The following PRICKLE2 variants were observed in gnomAD, a reference collection of about 807,000 sequenced individuals.
PRICKLE2 encodes prickle planar cell polarity protein 2, also known as prickle-like protein 2.
In PRICKLE2, 21 loss-of-function variants were observed where a neutral mutation model predicts 81.4. The ratio of observed to expected loss-of-function variants is 0.26; its 90% confidence interval spans 0.18 to 0.37. PRICKLE2 has a LOEUF of 0.37. PRICKLE2 is among the 10% of genes least tolerant of loss of function. The pLI, the probability that PRICKLE2 is intolerant of heterozygous loss-of-function variation, is 1.00. For synonymous variants in PRICKLE2, 456 were observed against 421.5 expected (o/e 1.08, Z -1.00); for missense variants, 940 against 1,109.0 (o/e 0.85, Z 2.16).
intron 1 of PRICKLE2, among the ~76,000 whole-genome samples, chr3:64,214,958 C>T (rs1575675901): frequency 6.6e-6 from 1 of 152,208 alleles, no homozygotes; most frequent in East Asian, 1.9e-4. Context: ...TACTATCCTA[C>T]TCCAACTCAC....
chr3:64,246,341 G>A (rs1268071706), intron 2 of PRICKLE2, among the ~76,000 whole-genome samples: 2 of 152,172 alleles, frequency 1.3e-5, no homozygotes, highest in Non-Finnish European at 1.5e-5. Context: ...GGATCTTGAC[G>A]ATGCTATTAA....
chr3:64,112,853 A>G (rs1000092807), intron 7 of PRICKLE2, among the ~76,000 whole-genome samples: 1 of 152,256 alleles, frequency 6.6e-6, no homozygotes, highest in African/African-American at 2.4e-5. Context: ...GGGAGAAGGC[A>G]AGATGGCTGA....
chr3:64,252,285 G>T (rs950386130), intron 2 of PRICKLE2, among the ~76,000 whole-genome samples: 1 of 152,102 alleles, frequency 6.6e-6, no homozygotes, highest in East Asian at 1.9e-4. Flanking sequence ...ACCCCCATAA[G>T]GGCTCCTATA....
chr3:64,262,821 G>T (rs1324545156), intron 2 of PRICKLE2, among the ~76,000 whole-genome samples: 1 of 152,164 alleles, frequency 6.6e-6, no homozygotes, highest in Non-Finnish European at 1.5e-5. Flanking sequence ...ACTCCATAGG[G>T]TAGGTGTCCC....
chr3:64,154,720 A>G (rs1006070236), intron 5 of PRICKLE2: 7 of 152,230 alleles, frequency 4.6e-5, no homozygotes, highest in Admixed American at 4.6e-4. Context: ...ATCAAAATTA[A>G]AAACTTTATG....
intron 2 of PRICKLE2, among the ~76,000 whole-genome samples, chr3:64,251,261 C>A (rs1413175701): frequency 1.3e-5 from 2 of 152,178 alleles, no homozygotes; most frequent in African/African-American, 4.8e-5. Flanking sequence ...ATCCCCGCTC[C>A]AGGTAGTCCC....
intron 2 of PRICKLE2, among the ~76,000 whole-genome samples, chr3:64,261,373 C>G (rs1351374949): frequency 6.6e-6 from 1 of 151,916 alleles, no homozygotes; most frequent in African/African-American, 2.4e-5. Context: ...GGGAGCCCTC[C>G]TAGAAGGAAG....
intron 7 of PRICKLE2, among the ~76,000 whole-genome samples, chr3:64,133,705 G>C (rs2106990536): frequency 6.6e-6 from 1 of 152,206 alleles, no homozygotes; most frequent in South Asian, 2.1e-4. Context: ...GGCATAATTA[G>C]GCCACAGATT....
At chr3:64,105,803 A>G (rs2076744940) in intron 7 of PRICKLE2, 1 of 152,228 alleles carries the variant, frequency 6.6e-6, no homozygotes, top group South Asian at 2.1e-4. Flanking sequence ...TCTAACTACG[A>G]ACAGAACTGG....
At chr3:64,267,907 G>C (rs2079736089) in intron 2 of PRICKLE2, 2 of 152,440 alleles carry the variant, frequency 1.3e-5, no homozygotes, top group African/African-American at 2.4e-5. Flanking sequence ...ACCCGGCTTA[G>C]CCTTGCATTG....
chr3:64,178,911 T>C (rs1575625297), intron 2 of PRICKLE2, among the ~76,000 whole-genome samples: 1 of 152,354 alleles, frequency 6.6e-6, no homozygotes, highest in South Asian at 2.1e-4. Flanking sequence ...CTATAACTCA[T>C]GCCCAACAGC....
At chr3:64,167,819 C>T (rs940779022) in intron 2 of PRICKLE2, among the ~76,000 whole-genome samples, 1 of 152,186 alleles carries the variant, frequency 6.6e-6, no homozygotes, top group Non-Finnish European at 1.5e-5. Context: ...CCTGTTAAAA[C>T]ACAGATTTCT....
intron 2 of PRICKLE2, among the ~76,000 whole-genome samples, chr3:64,240,026 G>A (rs1361100667): frequency 6.6e-6 from 1 of 150,710 alleles, no homozygotes; most frequent in Non-Finnish European, 1.5e-5. Flanking sequence ...GGGAGGCTGA[G>A]ACAGGAGGAT....
intron 2 of PRICKLE2, among the ~76,000 whole-genome samples, chr3:64,179,792 G>A (rs1268566739): frequency 1.3e-5 from 2 of 152,080 alleles, no homozygotes; most frequent in Non-Finnish European, 2.9e-5. Flanking sequence ...TGAAAAATGG[G>A]GATCAACAAA....
chr3:64,198,625 T>C (rs2078507953), intron 2 of PRICKLE2, 159 bp downstream of exon 2: 7 of 737,726 alleles, frequency 9.5e-6, no homozygotes, highest in Non-Finnish European at 1.7e-5. Flanking sequence ...TTTCCCTTCC[T>C]CATTTTCCAC....
Position 64,220,555 on chromosome 3 carries a change from A to C in PRICKLE2, c.-41+4355T>G, listed in dbSNP as rs143306325. On this transcript the variant is annotated intron_variant, in intron 1 of 7. Transcript: ENST00000638394. ...CAGCACTCAAACACTTACATACAGC[A>C]GCTCAAACACATACAGCAGCTCAAA... 3.9e-5 allele frequency among the ~76,000 whole-genome samples: 6 copies of C among 152,300 alleles called. No individual in the cohort carries two copies. In the East Asian group the frequency reaches 1.2e-3, roughly 29 times the overall value.
intron 2 of PRICKLE2, among the ~76,000 whole-genome samples, chr3:64,242,087 T>G (rs1274272447): frequency 6.6e-6 from 1 of 152,102 alleles, no homozygotes; most frequent in Non-Finnish European, 1.5e-5. Context: ...TCTAATTATC[T>G]TTTCTCTTTT....
chr3:64,204,238 G>C (rs1335238333), intron 1 of PRICKLE2, among the ~76,000 whole-genome samples: 2 of 151,846 alleles, frequency 1.3e-5, no homozygotes, highest in Non-Finnish European at 2.9e-5. Context: ...GCAGGATATG[G>C]GAGGTCAGGA....
chr3:64,182,346 G>A (rs552406804), intron 2 of PRICKLE2, among the ~76,000 whole-genome samples: 1 of 152,032 alleles, frequency 6.6e-6, no homozygotes, highest in African/African-American at 2.4e-5. Context: ...AAGTAGCTGG[G>A]AGTGGTTGTG....
Sources: gnomAD v4.1 joint callset for allele counts (sites outside exome capture counted in the v4.1 genomes callset) on GRCh38, gnomAD v4.1.1 for gene constraint, MANE v1.5 for transcripts, NCBI Gene and HGNC (gene_info 2026-07-23, HGNC 2026-07-21) for gene names.